ABCA1: variants seen among roughly 807,000 people sequenced by gnomAD.
ABCA1 encodes ATP binding cassette subfamily A member 1.
Under a neutral mutation model 262.5 loss-of-function variants are expected in ABCA1, and 133 were observed. The ratio of observed to expected loss-of-function variants is 0.51; its 90% CI spans 0.44 to 0.59. The LOEUF (loss-of-function observed/expected upper bound fraction) is 0.59, where lower values mean the gene tolerates loss of function less well. Ranked by LOEUF, ABCA1 falls within the 20% of genes least tolerant of loss-of-function variation. The pLI, the probability that ABCA1 is intolerant of heterozygous loss-of-function variation, is 0.00. For missense variants in ABCA1, 2,452 were observed against 2,777.5 expected, an observed-to-expected ratio of 0.88 and a Z score of 2.63; for synonymous variants, 1,022 against 1,043.5, an observed-to-expected ratio of 0.98 and a Z score of 0.40.
At chr9:104,904,581 A>G (rs1389141363) in intron 1 of ABCA1, among the ~76,000 whole-genome samples, 8 of 150,366 alleles carry the variant, frequency 5.3e-5, no homozygotes, top group Middle Eastern at 6.9e-3. Context: ...AAAAAAAAAA[A>G]GCACCATCAA....
rs75602357 is a variant in ABCA1, at chr9:104,884,825, C to T, written c.161-257G>A. ...GAGAAGTGATGAGAGGGGTCCTAAGCAGAAAGTCCCTGGCATCCTTAGTTC... is the reference window on the plus strand; with the variant it reads ...GAGAAGTGATGAGAGGGGTCCTAAGTAGAAAGTCCCTGGCATCCTTAGTTC... On this transcript the variant is annotated intron_variant, in intron 3 of 49. Transcript: ENST00000374736. 0.031 allele frequency among the ~76,000 whole-genome samples: 4,794 copies of T among 152,274 alleles called. 99 individuals are homozygous for T. The highest frequency in any genetic ancestry group is 0.054 in the African/African-American group (2,244 of 41,564).
At chr9:104,819,112 A>G (rs1832041104) in intron 22 of ABCA1, among the ~76,000 whole-genome samples, 1 of 152,206 alleles carries the variant, frequency 6.6e-6, no homozygotes. Flanking sequence ...AACTTGCTAT[A>G]TGCCAGGCAT....
At chr9:104,881,124 G>A (rs1371343600) in intron 5 of ABCA1, among the ~76,000 whole-genome samples, 3 of 152,128 alleles carry the variant, frequency 2.0e-5, no homozygotes, top group Non-Finnish European at 4.4e-5. Context: ...ACTCCAGCCT[G>A]GTGACAGAGC....
At chr9:104,920,219 T>C (rs1217467261) in intron 1 of ABCA1, among the ~76,000 whole-genome samples, 2 of 152,262 alleles carry the variant, frequency 1.3e-5, no homozygotes, top group Non-Finnish European at 2.9e-5. Flanking sequence ...TTGGATTATA[T>C]GAGCCCATGT....
intron 5 of ABCA1, among the ~76,000 whole-genome samples, chr9:104,868,986 G>A (rs965778574): frequency 6.6e-6 from 1 of 152,054 alleles, no homozygotes; most frequent in Non-Finnish European, 1.5e-5. Flanking sequence ...GGTGGGAGGA[G>A]GGAGGAGAGG....
chr9:104,839,082 G>T (rs2119030296), intron 9 of ABCA1, among the ~76,000 whole-genome samples: 1 of 152,292 alleles, frequency 6.6e-6, no homozygotes, highest in South Asian at 2.1e-4. Flanking sequence ...ATGGAGAAAG[G>T]TTCCCCTGCA....
At chr9:104,837,671 T>C in intron 9 of ABCA1, 104 bp from the exon 10 acceptor site, 5 of 1,345,564 alleles carry the variant, frequency 3.7e-6, no homozygotes, top group Non-Finnish European at 5.2e-6. Flanking sequence ...ACCCCAGCTC[T>C]ACCACTACTA....
chr9:104,847,241 C>T (rs1432666135), intron 7 of ABCA1, among the ~76,000 whole-genome samples: 3 of 152,210 alleles, frequency 2.0e-5, no homozygotes, highest in African/African-American at 7.2e-5. Context: ...CTCTCCCCCG[C>T]CACCCTGTGC....
chr9:104,850,660 G>A (rs904288105), intron 7 of ABCA1, among the ~76,000 whole-genome samples: 8 of 152,202 alleles, frequency 5.3e-5, no homozygotes, highest in African/African-American at 1.7e-4. Context: ...AATACGGTCT[G>A]AGAATCATGT....
At chr9:104,807,422 T>A (rs1830865628) in intron 30 of ABCA1, among the ~76,000 whole-genome samples, 1 of 152,246 alleles carries the variant, frequency 6.6e-6, no homozygotes, top group Non-Finnish European at 1.5e-5. Context: ...AATAAAAGTT[T>A]AAAATGATTT....
intron 17 of ABCA1, 37 bp from the exon 18 acceptor site, chr9:104,824,615 T>G: frequency 6.2e-7 from 1 of 1,610,056 alleles, no homozygotes; most frequent in South Asian, 1.1e-5. Context: ...AAGCTCAGCA[T>G]CATCCCAGTA....
intron 6 of ABCA1, chr9:104,861,430 C>T: frequency 1.7e-6 from 1 of 599,954 alleles, no homozygotes; most frequent in Non-Finnish European, 3.0e-6. Context: ...ATCACAAATG[C>T]CAAGTGATAA....
At chr9:104,829,169 A>C (rs1564144085) in intron 14 of ABCA1, 31 bp from the exon 15 acceptor site, 1 of 1,612,472 alleles carries the variant, frequency 6.2e-7, no homozygotes. Flanking sequence ...CAAGGGGAGA[A>C]AGAAAGACAC....
At chr9:104,821,351 T>C (rs376715316) in intron 20 of ABCA1, 24 bp downstream of exon 20, 4 of 1,613,368 alleles carry the variant, frequency 2.5e-6, no homozygotes, top group Non-Finnish European at 3.4e-6. Context: ...AAAGGCCTAT[T>C]CTTAACGTGC....
chr9:104,840,942 T>C (rs1271994317), intron 8 of ABCA1, among the ~76,000 whole-genome samples: 2 of 152,188 alleles, frequency 1.3e-5, no homozygotes, highest in Non-Finnish European at 2.9e-5. Flanking sequence ...ATGCTTTCTC[T>C]GAACAGCTAC....
At chr9:104,852,340 G>A (rs1035425617) in intron 7 of ABCA1, among the ~76,000 whole-genome samples, 3 of 152,138 alleles carry the variant, frequency 2.0e-5, no homozygotes, top group African/African-American at 4.8e-5. Flanking sequence ...ATTGAAATAC[G>A]AAATTATAAG....
At position 104,884,428 on chromosome 9, in the gene ABCA1, T is replaced by A; in HGVS notation, c.301A>T (p.Ile101Phe). 6.2e-7 allele frequency: 1 copy of A among 1,614,202 alleles called. No homozygotes were observed. The highest frequency in any genetic ancestry group is 8.5e-7 in the Non-Finnish European group (1 of 1,180,022). ...AAGAAAACCTGATCTGATACTTACATGGATTTGTTAAAGTTTCCAACAACT... is the reference window on the plus strand; with the variant it reads ...AAGAAAACCTGATCTGATACTTACAAGGATTTGTTAAAGTTTCCAACAACT... ...PGVVGNFNKSIVARLFSDARR... is the reference protein window; with the variant it reads ...PGVVGNFNKSFVARLFSDARR... The change falls in exon 4 of 50, where the codon ATT (isoleucine) becomes TTT (phenylalanine). Residue 101 changes from isoleucine to phenylalanine, a missense_variant and splice_region_variant. This residue lies in a region of ABCA1 where 1,032 missense variants were observed against 1,089.7 expected (regional missense o/e 0.95). Coordinates refer to ENST00000374736, the MANE Select transcript of ABCA1 (RefSeq NM_005502.4).
At chr9:104,789,222 G>A (rs1174508013) in intron 44 of ABCA1, among the ~76,000 whole-genome samples, 1 of 152,198 alleles carries the variant, frequency 6.6e-6, no homozygotes, top group Non-Finnish European at 1.5e-5. Flanking sequence ...TGAGGCACAC[G>A]TGGACACCGT....
chr9:104,810,747 T>A (rs1331825079), intron 29 of ABCA1, 53 bp downstream of exon 29: 3 of 1,613,760 alleles, frequency 1.9e-6, no homozygotes, highest in Middle Eastern at 1.7e-4. Flanking sequence ...CTCGTAAACA[T>A]CTTTGGTCTG....
Sources: allele counts gnomAD v4.1 joint callset (sites outside exome capture counted in the v4.1 genomes callset), GRCh38; gene constraint gnomAD v4.1.1; regional missense constraint gnomAD v4.1.1; transcripts MANE v1.5; gene names NCBI Gene and HGNC (gene_info 2026-07-23, HGNC 2026-07-21).